Variants in SETBP1 observed in about 807,000 individuals in gnomAD.
The protein encoded by SETBP1 is SET-binding protein.
A neutral mutation model predicts 101.0 loss-of-function variants in SETBP1; 9 were observed. The ratio of observed to expected loss-of-function variants is 0.09; its 90% CI spans 0.05 to 0.16. SETBP1 has a LOEUF of 0.16. SETBP1 is among the 10% of genes least tolerant of loss of function. The pLI is 1.00. For synonymous variants in SETBP1, 818 were observed against 788.5 expected (o/e 1.04, Z -0.63); for missense variants, 1,858 against 2,033.8 (o/e 0.91, Z 1.66).
intron 4 of SETBP1, among the ~76,000 whole-genome samples, chr18:44,990,646 T>TACAC (rs1010088402): frequency 6.7e-6 from 1 of 148,596 alleles, no homozygotes; most frequent in Non-Finnish European, 1.5e-5. Context: ...AAAAAAAACA[T>TACAC]ACACACACAC....
chr18:44,836,739 G>T (rs962973811), intron 2 of SETBP1, among the ~76,000 whole-genome samples: 2 of 152,220 alleles, frequency 1.3e-5, no homozygotes, highest in African/African-American at 2.4e-5. Flanking sequence ...ACTTACCGAG[G>T]ACTGGGGCAG....
intron 2 of SETBP1, among the ~76,000 whole-genome samples, chr18:44,727,453 C>A (rs1396173644): frequency 2.0e-5 from 3 of 152,148 alleles, no homozygotes; most frequent in African/African-American, 7.2e-5. Flanking sequence ...TCACGGCAGC[C>A]TTTTCAGTGA....
chr18:44,921,460 T>C (rs2070577624), intron 3 of SETBP1, among the ~76,000 whole-genome samples: 2 of 152,054 alleles, frequency 1.3e-5, no homozygotes, highest in South Asian at 2.1e-4. Context: ...TCATCCATGT[T>C]GGAGAGGCTA....
rs1027537924 is a variant in SETBP1 at position 44,951,287 on chromosome 18, C to T, written c.1947C>T (p.His649=). The change falls in exon 4 of 6, where the codon CAC becomes CAT. Residue 649 remains histidine (H), a synonymous_variant. Transcript: ENST00000649279. The surrounding 1 kb of genome is among the most constrained non-coding windows in gnomAD (Gnocchi z 7.8). ...EDKPMSEMKF[H]KKVGKLGVLD... is the part of the protein sequence containing the mutation. ...AACCCATGAGCGAGATGAAATTTCA[C>T]AAGAAAGTTGGAAAGCTCGGCGTGT... 8 of 1,613,500 alleles carry T rather than the reference C, an allele frequency of 5.0e-6. No individual in the cohort carries two copies. In the African/African-American group the frequency reaches 6.7e-5, roughly 13 times the overall value.
At chr18:44,962,585 G>A (rs1242340500) in intron 4 of SETBP1, among the ~76,000 whole-genome samples, 1 of 152,034 alleles carries the variant, frequency 6.6e-6, no homozygotes, top group Non-Finnish European at 1.5e-5. Context: ...GAGAATAATG[G>A]GAGTTATGCA....
chr18:44,691,744 T>C (rs1436803500), intron 1 of SETBP1, among the ~76,000 whole-genome samples: 1 of 151,986 alleles, frequency 6.6e-6, no homozygotes, highest in Non-Finnish European at 1.5e-5. Flanking sequence ...CAGAATCTGA[T>C]AAAAAGGTGG....
At chr18:44,963,416 T>C (rs1173485381) in intron 4 of SETBP1, among the ~76,000 whole-genome samples, 2 of 152,196 alleles carry the variant, frequency 1.3e-5, no homozygotes, top group Non-Finnish European at 2.9e-5. Flanking sequence ...GAAAGAGAAC[T>C]TGAATGGAGC....
intron 4 of SETBP1, among the ~76,000 whole-genome samples, chr18:44,980,407 A>G (rs2072086103): frequency 6.6e-6 from 1 of 152,116 alleles, no homozygotes; most frequent in Non-Finnish European, 1.5e-5. Context: ...CATAGATCGT[A>G]GAATCTCAAA....
At position 44,929,972 on chromosome 18, in the gene SETBP1, G is replaced by T. The variant is rs2070790701; in HGVS notation, c.541-19909G>T. Among the ~76,000 whole-genome samples the T allele has an allele frequency of 1.3e-5, 2 of 152,160 alleles. 1 individual carries two copies. Among genetic ancestry groups the T allele is most frequent in the South Asian group, 4.2e-4 (2 of 4,814 alleles). On this transcript the variant is annotated intron_variant, in intron 3 of 5. Transcript: ENST00000649279. The stretch of plus-strand genomic sequence containing the variant: ...CCCTGGCCAGAACTTCCAACACTGT[G>T]TTGAATAGGAGTGGTAAGAGAGGGC...
chr18:44,915,754 T>C (rs2070411215), intron 3 of SETBP1, among the ~76,000 whole-genome samples: 1 of 152,216 alleles, frequency 6.6e-6, no homozygotes, highest in Non-Finnish European at 1.5e-5. Context: ...ACTTACTGTG[T>C]GCCCTAGGCA....
At chr18:45,006,835 G>A (rs1189541868) in intron 4 of SETBP1, among the ~76,000 whole-genome samples, 1 of 152,046 alleles carries the variant, frequency 6.6e-6, no homozygotes, top group Non-Finnish European at 1.5e-5. Flanking sequence ...TAAACCTTAA[G>A]GTCTCAAGAA....
chr18:44,876,066 C>A (rs546000125), intron 3 of SETBP1, among the ~76,000 whole-genome samples: 2 of 152,210 alleles, frequency 1.3e-5, no homozygotes, highest in African/African-American at 2.4e-5. Flanking sequence ...GGAATTGCTG[C>A]ATAGCATTTT....
chr18:44,746,619 C>G (rs531552275), intron 2 of SETBP1, among the ~76,000 whole-genome samples: 9 of 152,270 alleles, frequency 5.9e-5, no homozygotes, highest in Non-Finnish European at 1.3e-4. Context: ...GCTTAGTGCT[C>G]AGAACATGCA....
At chr18:44,845,945 C>T (rs1203971499) in intron 2 of SETBP1, among the ~76,000 whole-genome samples, 1 of 152,208 alleles carries the variant, frequency 6.6e-6, no homozygotes, top group Non-Finnish European at 1.5e-5. Context: ...TTGTGTGACG[C>T]TGTGTCTGAA....
At chr18:44,684,966 A>G (rs1282928359) in intron 1 of SETBP1, among the ~76,000 whole-genome samples, 4 of 152,138 alleles carry the variant, frequency 2.6e-5, no homozygotes, top group African/African-American at 4.8e-5. Flanking sequence ...TTATTTTTTA[A>G]TGGCCGTTAG....
chr18:44,864,431 C>T (rs1005080346), intron 2 of SETBP1, among the ~76,000 whole-genome samples: 5 of 152,090 alleles, frequency 3.3e-5, no homozygotes, highest in African/African-American at 1.2e-4. Flanking sequence ...CCAACCCTGC[C>T]CTCAAGCTCA....
intron 3 of SETBP1, among the ~76,000 whole-genome samples, chr18:44,923,013 G>T (rs888823776): frequency 1.3e-5 from 2 of 152,172 alleles, no homozygotes; most frequent in African/African-American, 4.8e-5. Context: ...ACCTAGCCTT[G>T]AAAAGAGCCG....
In SETBP1 at chr18:45,038,640, G is replaced by A. The variant is rs200286369; in HGVS notation, c.4156G>A (p.Ala1386Thr). The A allele has an allele frequency of 1.3e-4, 207 of 1,614,170 alleles. 2 individuals are homozygous for A. The South Asian group carries it at 2.2e-3, about 17-fold the overall frequency. The part of the protein sequence containing the change: ...PVLSLLAASA[A>T]TSDAVGSSLK... Reference sequence around the variant, plus strand: ...GTTATCTCTCCTTGCTGCATCTGCAGCAACGTCGGATGCAGGTGAGCACTT... The same window carrying A: ...GTTATCTCTCCTTGCTGCATCTGCAACAACGTCGGATGCAGGTGAGCACTT... Residue 1386 changes from alanine (A) to threonine (T), a missense_variant, in exon 5 of 6, where the codon GCA (alanine) becomes ACA (threonine). Physicochemically the swap from Ala to Thr is moderately conservative, Grantham distance 58. Coordinates refer to ENST00000649279, the MANE Select transcript of SETBP1 (RefSeq NM_015559.3).
intron 4 of SETBP1, among the ~76,000 whole-genome samples, chr18:45,027,733 T>C (rs1270994231): frequency 1.3e-5 from 2 of 152,210 alleles, no homozygotes; most frequent in East Asian, 3.8e-4. Context: ...GCGTTAGTTT[T>C]CTCTTGCTGC....
Sources: allele counts gnomAD v4.1 joint callset (sites outside exome capture counted in the v4.1 genomes callset), GRCh38; gene constraint gnomAD v4.1.1; non-coding constraint Gnocchi (gnomAD v3.1); transcripts MANE v1.5; gene names NCBI Gene and HGNC (gene_info 2026-07-23, HGNC 2026-07-21).